The following EIF3J variants were observed in gnomAD, a reference collection of about 807,000 sequenced individuals.
EIF3J encodes the protein eukaryotic translation initiation factor 3, subunit 1 (alpha, 35kD).
In EIF3J, 15 loss-of-function variants were observed where a neutral mutation model predicts 39.0. The observed-to-expected ratio is 0.38, with a 90% CI of 0.26 to 0.59. The LOEUF is 0.59. Among genes scored for constraint, EIF3J ranks in the 20% least tolerant of loss-of-function variants. The pLI is 0.60. For missense variants in EIF3J, 226 were observed against 308.6 expected (o/e 0.73, Z 2.00); for synonymous variants, 98 against 112.9 (o/e 0.87, Z 0.84).
chr15:44,559,889 G>A (rs2082177720), intron 6 of EIF3J, among the ~76,000 whole-genome samples: 1 of 151,952 alleles, frequency 6.6e-6, no homozygotes, highest in Non-Finnish European at 1.5e-5. Flanking sequence ...ATGGTGTGTT[G>A]GTGATTACAG....
At chr15:44,543,000 C>A (rs1056819260) in intron 2 of EIF3J, among the ~76,000 whole-genome samples, 2 of 152,142 alleles carry the variant, frequency 1.3e-5, no homozygotes, top group African/African-American at 4.8e-5. Flanking sequence ...TTAATTTTAG[C>A]TGTTTCTCTA....
chr15:44,558,549 C>T (rs916044949), intron 6 of EIF3J, among the ~76,000 whole-genome samples: 5 of 152,022 alleles, frequency 3.3e-5, no homozygotes, highest in African/African-American at 9.7e-5. Context: ...AAGCAATTCT[C>T]CTGCTCAGAC....
intron 4 of EIF3J, 130 bp from the exon 5 acceptor site, chr15:44,554,423 T>C: frequency 2.7e-6 from 1 of 363,652 alleles, no homozygotes; most frequent in Non-Finnish European, 5.1e-6. Context: ...GAAGAATGCC[T>C]GAAACAGTAA....
intron 4 of EIF3J, among the ~76,000 whole-genome samples, chr15:44,552,402 G>C (rs1222352733): frequency 1.3e-5 from 2 of 151,840 alleles, no homozygotes; most frequent in Non-Finnish European, 2.9e-5. Flanking sequence ...ACGCAACCAT[G>C]CCTGGCTAAT....
intron 7 of EIF3J, 118 bp downstream of exon 7, chr15:44,560,440 A>C (rs2082182377): frequency 1.1e-6 from 1 of 905,162 alleles, no homozygotes. Flanking sequence ...CACTAATACC[A>C]TTTAAGTTAG....
intron 4 of EIF3J, among the ~76,000 whole-genome samples, chr15:44,553,647 T>C (rs1257221274): frequency 6.6e-6 from 1 of 152,212 alleles, no homozygotes; most frequent in Non-Finnish European, 1.5e-5. Context: ...TTTATAATTA[T>C]ACAATATGAT....
chr15:44,537,531 AG>A (rs2081969684), intron 2 of EIF3J, 104 bp downstream of exon 2: 1 of 1,222,004 alleles, frequency 8.2e-7, no homozygotes, highest in African/African-American at 1.6e-5. Context: ...CCGTGGGTCC[AG>A]GCGCGAGCAT....
chr15:44,549,790 A>AAAAC (rs2082084078), intron 2 of EIF3J, among the ~76,000 whole-genome samples: 1 of 147,422 alleles, frequency 6.8e-6, no homozygotes, highest in East Asian at 2.0e-4. Flanking sequence ...AAAAAAAAAA[A>AAAAC]CCATTTCTAC....
chr15:44,561,116 A>C lies in EIF3J; in HGVS notation c.744A>C (p.Gly248=). Residue 248 remains glycine, a synonymous_variant, in exon 8 of 8, where the codon GGA becomes GGC. Transcript: ENST00000261868. The part of the protein sequence containing the change: ...DDLADYGGYD[G]GYVQDYEDFM ...TGGCAGATTATGGTGGTTATGATGG[A>C]GGATATGTACAAGACTATGAAGACT... 1 of 1,613,266 alleles carries C rather than the reference A, an allele frequency of 6.2e-7. No homozygotes were observed.
At chr15:44,550,980 T>C in intron 3 of EIF3J, 50 bp downstream of exon 3, 1 of 1,586,126 alleles carries the variant, frequency 6.3e-7, no homozygotes, top group Non-Finnish European at 8.6e-7. Context: ...TGCTGAGCAT[T>C]TGTGACTTGT....
intron 2 of EIF3J, among the ~76,000 whole-genome samples, chr15:44,546,024 A>G (rs1391707974): frequency 1.3e-5 from 2 of 152,186 alleles, no homozygotes; most frequent in Non-Finnish European, 2.9e-5. Flanking sequence ...AAGTAAGCAA[A>G]TGGTCCTCCT....
At chr15:44,540,241 A>ATG (rs2082000295) in intron 2 of EIF3J, among the ~76,000 whole-genome samples, 3 of 37,938 alleles carry the variant, frequency 7.9e-5, no homozygotes, top group Non-Finnish European at 1.8e-4. Flanking sequence ...CTGGCTATAT[A>ATG]TATATATATA....
chr15:44,554,845 T>C (rs1052950989), intron 5 of EIF3J, among the ~76,000 whole-genome samples, 178 bp downstream of exon 5: 19 of 152,344 alleles, frequency 1.2e-4, no homozygotes, highest in East Asian at 9.6e-4. Context: ...TTTTGAATAA[T>C]TGTTTTGAGT....
chr15:44,559,928 TTTTCAAGAGACAGGGTCTAGCTGTG>T (rs529365682), intron 6 of EIF3J, among the ~76,000 whole-genome samples: 152 of 152,202 alleles, frequency 1.0e-3, no homozygotes, highest in African/African-American at 3.3e-3. Flanking sequence ...ATGAATTTTG[TTTTCAAGAGACAGGGTCTAGCTGTG>T]TTGCCCAAGC....
chr15:44,538,742 G>A (rs1384265253), intron 2 of EIF3J, among the ~76,000 whole-genome samples: 2 of 152,104 alleles, frequency 1.3e-5, no homozygotes, highest in African/African-American at 2.4e-5. Context: ...GTTACCAGCC[G>A]CATTACAAGA....
rs1250201814 is a variant in EIF3J, at chr15:44,560,341, G to C, written c.645+19G>C. The C allele has an allele frequency of 6.2e-7, 1 of 1,609,924 alleles. No individual in the cohort carries two copies. Among genetic ancestry groups the C allele is most frequent in the Admixed American group, 1.7e-5 (1 of 59,870 alleles). On this transcript the variant is annotated intron_variant, in intron 7 of 7. Coordinates refer to ENST00000261868, the MANE Select transcript of EIF3J (RefSeq NM_003758.4). ...AGAAAAGGTAAGAGCAAGCTGTGTA[G>C]GGAAATGGGTATTAAATTAGAGTGG...
At chr15:44,538,765 C>G (rs1272718569) in intron 2 of EIF3J, among the ~76,000 whole-genome samples, 1 of 152,228 alleles carries the variant, frequency 6.6e-6, no homozygotes, top group Non-Finnish European at 1.5e-5. Context: ...TTAGTTACCC[C>G]TCTACATTGT....
intron 2 of EIF3J, among the ~76,000 whole-genome samples, chr15:44,545,236 A>G (rs1259993865): frequency 6.6e-6 from 1 of 152,172 alleles, no homozygotes; most frequent in Non-Finnish European, 1.5e-5. Context: ...ATTATTTTGC[A>G]TTGGAATTGC....
intron 2 of EIF3J, among the ~76,000 whole-genome samples, chr15:44,538,009 A>AACTG: frequency 6.6e-6 from 1 of 152,304 alleles, no homozygotes; most frequent in Middle Eastern, 3.4e-3. Context: ...AAAAAGAATG[A>AACTG]ACTGACCACT....
Sources: allele counts gnomAD v4.1 joint callset (sites outside exome capture counted in the v4.1 genomes callset), GRCh38; gene constraint gnomAD v4.1.1; transcripts MANE v1.5; gene names NCBI Gene and HGNC (gene_info 2026-07-23, HGNC 2026-07-21).